Variants in CDH23 observed in about 807,000 individuals in gnomAD.
CDH23 encodes the protein cadherin-23.
Under a neutral mutation model 317.1 loss-of-function variants are expected in CDH23, and 189 were observed. The observed-to-expected ratio is 0.60, with a 90% CI of 0.53 to 0.67. CDH23 has a LOEUF of 0.67. Ranked by LOEUF, CDH23 falls within the 30% of genes least tolerant of loss-of-function variation. The pLI is 0.00. For missense variants in CDH23, 4,401 were observed against 4,592.4 expected, an observed-to-expected ratio of 0.96 and a Z score of 1.20; for synonymous variants, 1,839 against 1,876.8, an observed-to-expected ratio of 0.98 and a Z score of 0.52.
In CDH23 at chr10:71,784,373, C is replaced by G. The variant is rs901804635; in HGVS notation, c.5455C>G (p.Leu1819Val). Residue 1819 changes from leucine (L) to valine (V), a missense_variant, in exon 42 of 70, where the codon CTG becomes GTG. Leu to Val is a conservative substitution (Grantham distance 32). This residue lies in a region of CDH23 where 3,068 missense variants were observed against 3,203.3 expected (regional missense o/e 0.96). Coordinates refer to ENST00000224721, the MANE Select transcript of CDH23 (RefSeq NM_022124.6). ...LDRETIAFYN[L>V]TICARDRGMP... is the part of the protein sequence containing the mutation. ...CCGGGAGACCATCGCCTTCTACAAC[C>G]TGACCATCTGTGCCCGTGACCGGGG... is the stretch of plus-strand genomic sequence containing the variant. 4.3e-6 allele frequency: 7 copies of G among 1,613,832 alleles called. No individual in the cohort carries two copies. The highest frequency in any genetic ancestry group is 5.9e-6 in the Non-Finnish European group (7 of 1,179,844).
chr10:71,560,906 A>G (rs945754340), intron 6 of CDH23, among the ~76,000 whole-genome samples: 1 of 152,242 alleles, frequency 6.6e-6, no homozygotes, highest in African/African-American at 2.4e-5. Context: ...ATAAATATTA[A>G]TAACACCTTT....
In CDH23 at chr10:71,500,759, G is replaced by GTTTTCTTTTCTTTTCTTTTC. The variant is rs56124966; in HGVS notation, c.146-9281_146-9262dup. Among the ~76,000 whole-genome samples, 307 of 134,600 alleles carry GTTTTCTTTTCTTTTCTTTTC rather than the reference G, an allele frequency of 2.3e-3. 1 individual carries two copies. Among genetic ancestry groups the GTTTTCTTTTCTTTTCTTTTC allele is most frequent in the Middle Eastern group, 7.4e-3 (2 of 270 alleles). The allele number at this position is 134,600 out of a possible 152,430, so 88.3% of individuals were successfully genotyped here. On this transcript the variant is annotated intron_variant, in intron 3 of 69. Coordinates refer to ENST00000224721, the MANE Select transcript of CDH23 (RefSeq NM_022124.6). ...TAGGTCACTTTACCCCTCTGAGCCT[G>GTTTTCTTTTCTTTTCTTTTC]TTTTCTTTTCTTTTCTTTTCTTTTC...
At chr10:71,556,636 G>C (rs1293801184) in intron 6 of CDH23, among the ~76,000 whole-genome samples, 3 of 151,600 alleles carry the variant, frequency 2.0e-5, no homozygotes, top group Non-Finnish European at 4.4e-5. Context: ...CAGTGGTGCA[G>C]CCATAGGGAA....
chr10:71,619,218 C>T (rs559996987), intron 11 of CDH23, among the ~76,000 whole-genome samples: 1 of 151,860 alleles, frequency 6.6e-6, no homozygotes, highest in South Asian at 2.1e-4. Context: ...ACCTGTAATC[C>T]CAGCTACTCA....
chr10:71,404,125 AATAC>A (rs1190159620), intron 1 of CDH23, among the ~76,000 whole-genome samples: 9 of 152,342 alleles, frequency 5.9e-5, no homozygotes, highest in African/African-American at 1.7e-4. Flanking sequence ...TTCACGGAAG[AATAC>A]ATACATAAAA....
At chr10:71,646,107 C>A in intron 13 of CDH23, 127 bp downstream of exon 13, 3 of 1,260,784 alleles carry the variant, frequency 2.4e-6, no homozygotes, top group Non-Finnish European at 2.2e-6. Flanking sequence ...GTGGATCTGA[C>A]TCAGATAAGC....
At chr10:71,486,795 G>A (rs1451114295) in intron 3 of CDH23, among the ~76,000 whole-genome samples, 3 of 152,182 alleles carry the variant, frequency 2.0e-5, no homozygotes, top group Admixed American at 2.0e-4. Context: ...TTGCTGTGCA[G>A]GAGGCTTACG....
intron 3 of CDH23, among the ~76,000 whole-genome samples, chr10:71,452,205 A>C (rs1850480751): frequency 6.6e-6 from 1 of 151,346 alleles, no homozygotes; most frequent in African/African-American, 2.5e-5. Flanking sequence ...TAGCAGCATG[A>C]AGCCTGGCTT....
chr10:71,721,644 A>G (rs766029821), intron 28 of CDH23, among the ~76,000 whole-genome samples: 7 of 152,154 alleles, frequency 4.6e-5, no homozygotes, highest in Non-Finnish European at 8.8e-5. Context: ...CACCATCAAC[A>G]TGCTCATCAG....
chr10:71,718,580 G>A (rs1238815896), intron 28 of CDH23, among the ~76,000 whole-genome samples: 2 of 152,248 alleles, frequency 1.3e-5, no homozygotes, highest in Non-Finnish European at 2.9e-5. Flanking sequence ...TTCCCGTGGG[G>A]AGAAAATCAG....
intron 14 of CDH23, among the ~76,000 whole-genome samples, chr10:71,670,181 C>T (rs1458015090): frequency 6.6e-6 from 1 of 152,172 alleles, no homozygotes; most frequent in Admixed American, 6.5e-5. Flanking sequence ...TGGAGGTGCT[C>T]TATAAACCCC....
intron 3 of CDH23, among the ~76,000 whole-genome samples, chr10:71,507,075 A>G (rs58183886): frequency 0.049 from 7,494 of 152,216 alleles, 640 homozygotes; most frequent in African/African-American, 0.17. Context: ...TGGTCTTCCC[A>G]GAATCCTCTT....
At chr10:71,760,987 T>C (rs1840367432) in intron 38 of CDH23, 5 of 1,525,344 alleles carry the variant, frequency 3.3e-6, no homozygotes, top group South Asian at 2.2e-5. Context: ...GGGAGGCTTG[T>C]CCAGGCCAGT....
chr10:71,601,405 A>G (rs1018815417), intron 9 of CDH23, among the ~76,000 whole-genome samples: 1 of 152,208 alleles, frequency 6.6e-6, no homozygotes, highest in Admixed American at 6.5e-5. Flanking sequence ...CATCAGCCCT[A>G]TAAGATAAGA....
intron 12 of CDH23, among the ~76,000 whole-genome samples, chr10:71,644,543 G>A (rs919607652): frequency 7.2e-5 from 11 of 152,330 alleles, no homozygotes; most frequent in Admixed American, 2.6e-4. Context: ...TGCCCTGAGC[G>A]GGATGGGAAC....
At chr10:71,622,028 T>A (rs1051217322) in intron 11 of CDH23, among the ~76,000 whole-genome samples, 2 of 151,144 alleles carry the variant, frequency 1.3e-5, no homozygotes, top group Non-Finnish European at 2.9e-5. Flanking sequence ...AAAAAAAAAA[T>A]CCAAAAGGCA....
chr10:71,459,006 C>A (rs565047775), intron 3 of CDH23, among the ~76,000 whole-genome samples: 12 of 151,044 alleles, frequency 7.9e-5, no homozygotes, highest in African/African-American at 2.9e-4. Context: ...CCAGGATGGT[C>A]TCGATCTCGA....
chr10:71,813,585 A>T (rs569633497), intron 69 of CDH23, among the ~76,000 whole-genome samples: 1 of 152,310 alleles, frequency 6.6e-6, no homozygotes, highest in Non-Finnish European at 1.5e-5. Context: ...GGAAGACCTC[A>T]AGAACATACC....
chr10:71,584,129 C>T (rs536922791), intron 9 of CDH23, among the ~76,000 whole-genome samples: 7 of 152,252 alleles, frequency 4.6e-5, no homozygotes, highest in South Asian at 4.1e-4. Context: ...TTCTCAATGG[C>T]GGCAAAATTT....
Sources: allele counts gnomAD v4.1 joint callset (sites outside exome capture counted in the v4.1 genomes callset), GRCh38; gene constraint gnomAD v4.1.1; regional missense constraint gnomAD v4.1.1; transcripts MANE v1.5; gene names NCBI Gene and HGNC (gene_info 2026-07-23, HGNC 2026-07-21).